Variants in EBF2 observed in about 807,000 individuals in gnomAD.
The protein encoded by EBF2 is EBF transcription factor 2, also known as transcription factor COE2.
EBF2 carries 21 observed loss-of-function variants against 72.8 expected under a neutral mutation model. That is an observed-to-expected ratio of 0.29 (90% CI 0.20 to 0.42). The LOEUF (loss-of-function observed/expected upper bound fraction) is 0.42, where lower values mean the gene tolerates loss of function less well. EBF2 is among the 10% of genes least tolerant of loss of function. The pLI, the probability that EBF2 is intolerant of heterozygous loss-of-function variation, is 1.00. For missense variants in EBF2, 637 were observed against 731.2 expected (o/e 0.87, Z 1.49); for synonymous variants, 299 against 274.2 (o/e 1.09, Z -0.89).
At chr8:25,959,900 G>A (rs2117177694) in intron 6 of EBF2, among the ~76,000 whole-genome samples, 1 of 152,318 alleles carries the variant, frequency 6.6e-6, no homozygotes, top group South Asian at 2.1e-4. Context: ...GGACTAGGTA[G>A]TATGGTCCCA....
intron 10 of EBF2, among the ~76,000 whole-genome samples, chr8:25,885,719 C>T (rs561786959): frequency 3.9e-5 from 6 of 152,246 alleles, no homozygotes; most frequent in Non-Finnish European, 7.4e-5. Flanking sequence ...TTCTCATTCT[C>T]TCGTCTGTCA....
At chr8:25,954,331 C>A (rs1803909240) in intron 6 of EBF2, among the ~76,000 whole-genome samples, 2 of 152,184 alleles carry the variant, frequency 1.3e-5, no homozygotes, top group Admixed American at 1.3e-4. Context: ...CTGCTAAATG[C>A]ACCACCTGAG....
chr8:26,045,048 G>A lies in EBF2; in HGVS notation c.-189C>T. On this transcript the variant is annotated 5_prime_UTR_variant, in exon 1 of 16. Coordinates refer to ENST00000520164, the MANE Select transcript of EBF2 (RefSeq NM_022659.4). ...TTGCTTCACTGGCGAGGTGCGGACT[G>A]ATGTAGTCAAAGTTTGGGTTCTTAT... The A allele has an allele frequency of 1.7e-6, 1 of 600,354 alleles. No individual in the cohort carries two copies. 37.2% of individuals were successfully genotyped at this position (600,354 alleles called of 1,614,324 possible).
chr8:25,934,434 T>C (rs566468773), intron 6 of EBF2, among the ~76,000 whole-genome samples: 5 of 152,192 alleles, frequency 3.3e-5, no homozygotes, highest in Non-Finnish European at 5.9e-5. Flanking sequence ...TCATTTATTC[T>C]GAAACACTGC....
chr8:26,017,335 G>A (rs1253374517), intron 6 of EBF2, among the ~76,000 whole-genome samples: 5 of 152,062 alleles, frequency 3.3e-5, no homozygotes, highest in East Asian at 1.9e-4. Flanking sequence ...CCTTACAGTC[G>A]GTTTGCCTGA....
At chr8:25,899,487 G>A (rs549002136) in intron 7 of EBF2, among the ~76,000 whole-genome samples, 1 of 152,252 alleles carries the variant, frequency 6.6e-6, no homozygotes, top group East Asian at 1.9e-4. Context: ...GCAGGCAGCT[G>A]GAGCTGTATT....
chr8:25,852,239 GAGGAGTGGGTCTT>G (rs1390129910), intron 14 of EBF2, among the ~76,000 whole-genome samples: 1 of 152,216 alleles, frequency 6.6e-6, no homozygotes, highest in East Asian at 1.9e-4. Context: ...GGTTAAGCAT[GAGGAGTGGGTCTT>G]ATTCATGGTT....
chr8:26,025,400 T>G (rs540276847), intron 6 of EBF2, among the ~76,000 whole-genome samples: 42 of 152,274 alleles, frequency 2.8e-4, no homozygotes, highest in African/African-American at 9.9e-4. Context: ...TTTTGCTTGA[T>G]GACTGAATAA....
chr8:25,999,926 T>A (rs1332151394), intron 6 of EBF2, among the ~76,000 whole-genome samples: 1 of 152,136 alleles, frequency 6.6e-6, no homozygotes, highest in African/African-American at 2.4e-5. Flanking sequence ...CTGAAATGTA[T>A]CTAGCCCCAG....
At chr8:26,025,262 T>C (rs1805284340) in intron 6 of EBF2, among the ~76,000 whole-genome samples, 1 of 152,142 alleles carries the variant, frequency 6.6e-6, no homozygotes, top group Non-Finnish European at 1.5e-5. Flanking sequence ...TGACCTAGTC[T>C]TCGGAGAGCT....
intron 6 of EBF2, among the ~76,000 whole-genome samples, chr8:25,990,840 AACGGAAATATGTCACTTAAATTAGC>A (rs1420206576): frequency 6.6e-6 from 1 of 152,230 alleles, no homozygotes; most frequent in Non-Finnish European, 1.5e-5. Context: ...TCCCAGGCAG[AACGGAAATATGTCACTTAAATTAGC>A]ACTTGGAGTA....
chr8:25,856,533 T>A (rs1802097338), intron 14 of EBF2, among the ~76,000 whole-genome samples: 2 of 152,230 alleles, frequency 1.3e-5, no homozygotes, highest in African/African-American at 4.8e-5. Flanking sequence ...CACAAGGTTG[T>A]TGTGAGGCTC....
At chr8:26,017,123 C>T (rs112951591) in intron 6 of EBF2, among the ~76,000 whole-genome samples, 106 of 147,786 alleles carry the variant, frequency 7.2e-4, no homozygotes, top group Middle Eastern at 3.5e-3. Context: ...ATATCTTTTA[C>T]GTGTGTGTTT....
chr8:25,884,175 A>G (rs765670808), intron 10 of EBF2, among the ~76,000 whole-genome samples: 3 of 152,006 alleles, frequency 2.0e-5, no homozygotes, highest in African/African-American at 4.8e-5. Flanking sequence ...CTCCAGCCAT[A>G]CTGGCATTCT....
chr8:26,042,731 TATTA>T, intron 1 of EBF2, among the ~76,000 whole-genome samples: 1 of 152,234 alleles, frequency 6.6e-6, no homozygotes. Context: ...TTTTATTTAG[TATTA>T]ATTCGAGTTA....
intron 7 of EBF2, among the ~76,000 whole-genome samples, chr8:25,896,771 T>G (rs1334148510): frequency 6.6e-6 from 1 of 152,204 alleles, no homozygotes; most frequent in Non-Finnish European, 1.5e-5. Context: ...CAATCCCGAA[T>G]TCTCATCATG....
intron 10 of EBF2, among the ~76,000 whole-genome samples, chr8:25,874,128 T>C (rs1802482511): frequency 6.6e-6 from 1 of 152,190 alleles, no homozygotes; most frequent in Non-Finnish European, 1.5e-5. Flanking sequence ...AAAAATCAGA[T>C]TCATTTCTTC....
intron 10 of EBF2, among the ~76,000 whole-genome samples, chr8:25,866,812 A>G (rs888466500): frequency 2.0e-4 from 30 of 151,040 alleles, no homozygotes; most frequent in African/African-American, 6.6e-4. Flanking sequence ...TTGTATTTTT[A>G]GTAGAGATGG....
chr8:25,958,633 C>T (rs1327789219), intron 6 of EBF2, among the ~76,000 whole-genome samples: 1 of 152,226 alleles, frequency 6.6e-6, no homozygotes, highest in Non-Finnish European at 1.5e-5. Flanking sequence ...CCAACTCCAG[C>T]CCAGCTTCTT....
Sources: gnomAD v4.1 joint callset for allele counts (sites outside exome capture counted in the v4.1 genomes callset) on GRCh38, gnomAD v4.1.1 for gene constraint, MANE v1.5 for transcripts, NCBI Gene and HGNC (gene_info 2026-07-23, HGNC 2026-07-21) for gene names.